MEGF11: variants seen among roughly 807,000 people sequenced by gnomAD.
MEGF11 encodes multiple EGF like domains 11, also known as multiple epidermal growth factor-like domains protein 11.
MEGF11 carries 126 observed loss-of-function variants against 146.6 expected under a neutral mutation model. The observed-to-expected ratio is 0.86, with a 90% confidence interval of 0.74 to 1.00. The LOEUF is 1.00. MEGF11 is among the 50% of genes least tolerant of loss of function. The pLI is 0.00. For missense variants in MEGF11, 1,509 were observed against 1,521.2 expected (o/e 0.99, Z 0.13); for synonymous variants, 532 against 583.4 (o/e 0.91, Z 1.27).
At chr15:66,088,438 G>T (rs930607902) in intron 5 of MEGF11, among the ~76,000 whole-genome samples, 1 of 152,310 alleles carries the variant, frequency 6.6e-6, no homozygotes, top group Middle Eastern at 3.4e-3. Context: ...GATCCCTTCA[G>T]GTCAGGAGTT....
At chr15:65,976,293 G>A (rs1391957482) in intron 7 of MEGF11, among the ~76,000 whole-genome samples, 1 of 151,980 alleles carries the variant, frequency 6.6e-6, no homozygotes, top group African/African-American at 2.4e-5. Flanking sequence ...CACCCGCCTC[G>A]GCCTCCCAAA....
intron 5 of MEGF11, among the ~76,000 whole-genome samples, chr15:66,053,300 C>T (rs2084527151): frequency 6.6e-6 from 1 of 152,182 alleles, no homozygotes. Flanking sequence ...TACTAACATC[C>T]TTGCCTGTTA....
intron 1 of MEGF11, among the ~76,000 whole-genome samples, chr15:66,216,012 C>T (rs1244934148): frequency 6.6e-6 from 1 of 152,128 alleles, no homozygotes; most frequent in African/African-American, 2.4e-5. Context: ...AAGGGGACAC[C>T]CACTCTCCTT....
intron 1 of MEGF11, among the ~76,000 whole-genome samples, 189 bp from the exon 2 acceptor site, chr15:66,128,600 C>T (rs2088498088): frequency 6.6e-6 from 1 of 152,138 alleles, no homozygotes; most frequent in Non-Finnish European, 1.5e-5. Flanking sequence ...AGTCCAAATT[C>T]TAGGCCAGGG....
chr15:66,023,520 C>CT (rs1457461495), intron 5 of MEGF11, among the ~76,000 whole-genome samples: 1 of 152,216 alleles, frequency 6.6e-6, no homozygotes, highest in Non-Finnish European at 1.5e-5. Flanking sequence ...CACAAGGCAT[C>CT]TGTGTGGCTT....
At chr15:66,158,014 T>G (rs1015854127) in intron 1 of MEGF11, among the ~76,000 whole-genome samples, 1 of 152,226 alleles carries the variant, frequency 6.6e-6, no homozygotes, top group Non-Finnish European at 1.5e-5. Flanking sequence ...CCCCTTGAAA[T>G]GTTTTGTTCT....
intron 1 of MEGF11, among the ~76,000 whole-genome samples, chr15:66,210,627 G>T (rs2091421019): frequency 2.0e-5 from 3 of 152,232 alleles, no homozygotes; most frequent in Admixed American, 1.3e-4. Context: ...GCACTCAAAG[G>T]AAAATCGACT....
intron 5 of MEGF11, among the ~76,000 whole-genome samples, chr15:66,080,884 G>A (rs115688999): frequency 4.7e-4 from 72 of 152,344 alleles, no homozygotes; most frequent in African/African-American, 1.2e-3. Flanking sequence ...CGGCCCAGGC[G>A]GGTCTGCGAA....
At chr15:65,968,069 C>CAGAA (rs2081172645) in intron 8 of MEGF11, among the ~76,000 whole-genome samples, 1 of 152,120 alleles carries the variant, frequency 6.6e-6, no homozygotes, top group Admixed American at 6.5e-5. Context: ...TGTCATATTT[C>CAGAA]AGCCAATCTG....
In MEGF11 at chr15:66,112,635, T is replaced by A. The variant is rs192606212; in HGVS notation, c.301+6451A>T. ...CCTTAGCTCAAAGATGATATATACCTCTGAGAAGCAAAGAGTATAAAACAA... is the reference window on the plus strand; with the variant it reads ...CCTTAGCTCAAAGATGATATATACCACTGAGAAGCAAAGAGTATAAAACAA... On this transcript the variant is annotated intron_variant, in intron 4 of 25. Transcript: ENST00000395614. Among the ~76,000 whole-genome samples the A allele has an allele frequency of 2.3e-3, 345 of 151,808 alleles. 5 individuals are homozygous for A. Among genetic ancestry groups the A allele is most frequent in the African/African-American group, 8.2e-3 (339 of 41,340 alleles).
intron 13 of MEGF11, among the ~76,000 whole-genome samples, chr15:65,923,621 G>A (rs191638234): frequency 3.9e-5 from 6 of 152,330 alleles, no homozygotes; most frequent in Non-Finnish European, 7.4e-5. Flanking sequence ...ATGTATGTTG[G>A]ACTCTGATGT....
At chr15:66,246,840 CAGG>C (rs2092302897) in intron 1 of MEGF11, among the ~76,000 whole-genome samples, 1 of 151,928 alleles carries the variant, frequency 6.6e-6, no homozygotes, top group African/African-American at 2.4e-5. Context: ...AATATCTAAT[CAGG>C]AGATGAAACG....
At chr15:66,181,966 C>G (rs2090561773) in intron 1 of MEGF11, among the ~76,000 whole-genome samples, 1 of 152,174 alleles carries the variant, frequency 6.6e-6, no homozygotes, top group African/African-American at 2.4e-5. Flanking sequence ...ACCTTCTGCC[C>G]AAGCCCCACC....
intron 16 of MEGF11, 43 bp from the exon 17 acceptor site, chr15:65,916,999 AG>A: frequency 6.9e-7 from 1 of 1,449,692 alleles, no homozygotes; most frequent in South Asian, 1.4e-5. Flanking sequence ...GAAGGCAGAG[AG>A]GGGCAGACGG....
intron 1 of MEGF11, among the ~76,000 whole-genome samples, chr15:66,182,306 G>T (rs1216052546): frequency 6.6e-6 from 1 of 152,210 alleles, no homozygotes; most frequent in African/African-American, 2.4e-5. Context: ...AGGTAAGCAG[G>T]AATGGCAGAT....
chr15:65,919,596 C>T (rs996949043), intron 15 of MEGF11, among the ~76,000 whole-genome samples: 4 of 152,144 alleles, frequency 2.6e-5, no homozygotes, highest in Admixed American at 6.5e-5. Flanking sequence ...AACATGGCAC[C>T]GACAGGGCTT....
chr15:66,109,042 G>A (rs905564728), intron 4 of MEGF11, among the ~76,000 whole-genome samples: 3 of 152,162 alleles, frequency 2.0e-5, no homozygotes, highest in Non-Finnish European at 2.9e-5. Flanking sequence ...ATCCTCCCAC[G>A]GCTGTATCAG....
At chr15:66,113,515 C>G (rs1026479660) in intron 4 of MEGF11, among the ~76,000 whole-genome samples, 1 of 150,938 alleles carries the variant, frequency 6.6e-6, no homozygotes, top group Non-Finnish European at 1.5e-5. Flanking sequence ...TGCAGTGAGG[C>G]ATGCTTTCTC....
chr15:65,996,079 G>A (rs1339687169), intron 5 of MEGF11, among the ~76,000 whole-genome samples: 2 of 152,176 alleles, frequency 1.3e-5, no homozygotes, highest in African/African-American at 4.8e-5. Flanking sequence ...GGACACTGGG[G>A]TCCTAGTCCA....
Sources: allele counts gnomAD v4.1 joint callset (sites outside exome capture counted in the v4.1 genomes callset), GRCh38; gene constraint gnomAD v4.1.1; transcripts MANE v1.5; gene names NCBI Gene and HGNC (gene_info 2026-07-23, HGNC 2026-07-21).